Variants in NRP1 observed in about 807,000 individuals in gnomAD.
The protein encoded by NRP1 is neuropilin 1.
In NRP1, 35 loss-of-function variants were observed where a neutral mutation model predicts 106.7. That is an observed-to-expected ratio of 0.33 (90% confidence interval 0.25 to 0.43). The LOEUF is 0.43. Ranked by LOEUF, NRP1 falls within the 20% of genes least tolerant of loss-of-function variation. NRP1 has a pLI of 1.00. For synonymous variants in NRP1, 437 were observed against 417.9 expected (o/e 1.05, Z -0.56); for missense variants, 1,024 against 1,170.4 (o/e 0.87, Z 1.83).
chr10:33,252,036 T>C (rs1191912403), intron 6 of NRP1, among the ~76,000 whole-genome samples: 1 of 152,034 alleles, frequency 6.6e-6, no homozygotes, highest in African/African-American at 2.4e-5. Context: ...CACGCCCCCA[T>C]CCTGGGCCTT....
Position 33,188,464 on chromosome 10 carries a change from A to T in NRP1, c.2063-1976T>A, listed in dbSNP as rs1419952518. On this transcript the variant is annotated intron_variant, in intron 13 of 16. Transcript: ENST00000374867. ...TCCAGTGCCCAACACAGCACCTGCC[A>T]TGTAACAGGGCTTCTCAAATGATGC... Among the ~76,000 whole-genome samples the T allele has an allele frequency of 3.9e-5, 6 of 152,142 alleles. 1 individual carries two copies. The highest frequency in any genetic ancestry group is 3.9e-4 in the Admixed American group (6 of 15,276).
chr10:33,320,386 G>C (rs1342382171), intron 2 of NRP1, among the ~76,000 whole-genome samples: 14 of 151,840 alleles, frequency 9.2e-5, no homozygotes, highest in Admixed American at 9.2e-4. Flanking sequence ...CTGTGCTGCT[G>C]GGAACCAGAG....
chr10:33,268,970 C>T (rs1466988031), intron 3 of NRP1, among the ~76,000 whole-genome samples: 3 of 152,154 alleles, frequency 2.0e-5, no homozygotes, highest in East Asian at 1.9e-4. Context: ...AAGAAGTTGT[C>T]GCAACGTTTC....
chr10:33,179,902 A>G lies in NRP1; in HGVS notation c.*174T>C. 2 of 685,280 alleles carry G rather than the reference A, an allele frequency of 2.9e-6. No homozygotes were observed. The highest frequency in any genetic ancestry group is 2.5e-5 in the Admixed American group (1 of 40,660). The allele number at this position is 685,280 out of a possible 1,614,324, so 42.4% of individuals were successfully genotyped here. ...TGACTGCACATGAGTCCGATGGTGA[A>G]CACAGCTCCTTGTCCATGTCTGTCG... On this transcript the variant is annotated 3_prime_UTR_variant, in exon 17 of 17. Coordinates refer to ENST00000374867, the MANE Select transcript of NRP1 (RefSeq NM_003873.7).
chr10:33,319,858 T>C (rs1564486721), intron 2 of NRP1, among the ~76,000 whole-genome samples: 1 of 151,064 alleles, frequency 6.6e-6, no homozygotes, highest in Admixed American at 6.6e-5. Context: ...AGTGCTGGGA[T>C]TGCAGGCCTG....
chr10:33,180,216 C>A lies in NRP1; in HGVS notation c.2632G>T (p.Val878Leu). ...GVLLGAVCGV[V>L]LYCACWHNGM... ...TTATGCCAACAGGCACAGTACAGCA[C>A]GACCCCACAGACAGCCCCCAGGAGG... The change falls in exon 17 of 17, where the codon GTG (valine) becomes TTG (leucine). Residue 878 changes from valine to leucine, a missense_variant. Val to Leu is a conservative substitution (Grantham distance 32, BLOSUM62 1). Coordinates refer to ENST00000374867, the MANE Select transcript of NRP1 (RefSeq NM_003873.7). 6.2e-7 allele frequency: 1 copy of A among 1,614,136 alleles called. No homozygotes were observed. The highest frequency in any genetic ancestry group is 1.3e-5 in the African/African-American group (1 of 75,010).
intron 6 of NRP1, among the ~76,000 whole-genome samples, chr10:33,235,250 CA>C (rs1840465211): frequency 6.6e-6 from 1 of 152,188 alleles, no homozygotes; most frequent in South Asian, 2.1e-4. Flanking sequence ...CCAAAAGAAA[CA>C]AAAGGGACTC....
chr10:33,184,846 C>A (rs1247508259), intron 15 of NRP1, among the ~76,000 whole-genome samples: 1 of 152,118 alleles, frequency 6.6e-6, no homozygotes, highest in Non-Finnish European at 1.5e-5. Flanking sequence ...GCCAACAGAC[C>A]TCCTTTGTCT....
chr10:33,243,016 G>T (rs935641923), intron 6 of NRP1, among the ~76,000 whole-genome samples: 5 of 152,074 alleles, frequency 3.3e-5, no homozygotes, highest in Non-Finnish European at 7.4e-5. Context: ...TGTAATGGTG[G>T]GTAAGCCCAT....
At chr10:33,313,469 C>T (rs1256715644) in intron 2 of NRP1, among the ~76,000 whole-genome samples, 1 of 151,898 alleles carries the variant, frequency 6.6e-6, no homozygotes, top group African/African-American at 2.4e-5. Flanking sequence ...AGCTCATGTA[C>T]CCCAGTAATG....
At chr10:33,324,762 C>G (rs184310767) in intron 2 of NRP1, among the ~76,000 whole-genome samples, 2 of 152,076 alleles carry the variant, frequency 1.3e-5, no homozygotes, top group African/African-American at 2.4e-5. Flanking sequence ...CTCAGCCTCC[C>G]GAGTAGCTGG....
At chr10:33,252,431 G>A (rs768192585) in intron 6 of NRP1, among the ~76,000 whole-genome samples, 1 of 152,054 alleles carries the variant, frequency 6.6e-6, no homozygotes, top group Non-Finnish European at 1.5e-5. Flanking sequence ...CCTGTAACAC[G>A]CGCCCACTGG....
At chr10:33,252,788 C>T (rs1401863278) in intron 6 of NRP1, among the ~76,000 whole-genome samples, 1 of 152,138 alleles carries the variant, frequency 6.6e-6, no homozygotes, top group East Asian at 1.9e-4. Context: ...TCAGCAATCC[C>T]AAGGTAGACG....
rs778418973 is a variant in NRP1 at position 33,330,888 on chromosome 10, A to G, written c.74-6T>C. On this transcript the variant is annotated splice_region_variant and splice_polypyrimidine_tract_variant and intron_variant, in intron 1 of 16. Transcript: ENST00000374867. ...TATAGTATCGCCACATTTATCTGCA[A>G]TGAAAGTAAGATTTTAGCAGATCTT... 5.6e-6 allele frequency: 9 copies of G among 1,596,022 alleles called. No homozygotes were observed. The highest frequency in any genetic ancestry group is 1.7e-6 in the Non-Finnish European group (2 of 1,168,322).
At chr10:33,210,915 T>C (rs1446149012) in intron 9 of NRP1, among the ~76,000 whole-genome samples, 1 of 152,214 alleles carries the variant, frequency 6.6e-6, no homozygotes, top group Non-Finnish European at 1.5e-5. Flanking sequence ...ACCCATTTCT[T>C]TTTTCGTCTT....
At chr10:33,311,434 G>A (rs1274949133) in intron 2 of NRP1, among the ~76,000 whole-genome samples, 1 of 152,204 alleles carries the variant, frequency 6.6e-6, no homozygotes. Context: ...TCGGAGAACA[G>A]CCCCTGAGTA....
chr10:33,280,975 G>GAA (rs1364391424), intron 2 of NRP1, among the ~76,000 whole-genome samples: 1 of 106,818 alleles, frequency 9.4e-6, no homozygotes, highest in Admixed American at 9.4e-5. Context: ...TGTCTCAAAA[G>GAA]AAAAAAAAAA....
intron 11 of NRP1, among the ~76,000 whole-genome samples, chr10:33,198,954 C>T (rs1588704178): frequency 6.6e-6 from 1 of 152,138 alleles, no homozygotes; most frequent in East Asian, 1.9e-4. Context: ...TTAGTGCAGG[C>T]CTACTGCATC....
chr10:33,287,108 A>G (rs1026164539), intron 2 of NRP1, among the ~76,000 whole-genome samples: 1 of 152,194 alleles, frequency 6.6e-6, no homozygotes, highest in African/African-American at 2.4e-5. Context: ...TTATTCACCA[A>G]CGAACATACA....
Sources: gnomAD v4.1 joint callset for allele counts (sites outside exome capture counted in the v4.1 genomes callset) on GRCh38, gnomAD v4.1.1 for gene constraint, MANE v1.5 for transcripts, NCBI Gene and HGNC (gene_info 2026-07-23, HGNC 2026-07-21) for gene names.